PPIE: variants seen among roughly 807,000 people sequenced by gnomAD.
PPIE encodes peptidylprolyl isomerase E.
Under a neutral mutation model 38.4 loss-of-function variants are expected in PPIE, and 20 were observed. The ratio of observed to expected loss-of-function variants is 0.52; its 90% CI spans 0.37 to 0.76. The LOEUF is 0.76. Ranked by LOEUF, PPIE falls within the 30% of genes least tolerant of loss-of-function variation. The pLI, the probability that PPIE is intolerant of heterozygous loss-of-function variation, is 0.00. For synonymous variants in PPIE, 142 were observed against 135.7 expected (o/e 1.05, Z -0.32); for missense variants, 322 against 385.8 (o/e 0.83, Z 1.39).
At chr1:39,745,260 C>T (rs1647165238) in intron 6 of PPIE, 115 bp from the exon 7 acceptor site, 1 of 1,406,756 alleles carries the variant, frequency 7.1e-7, no homozygotes, top group Non-Finnish European at 9.9e-7. Flanking sequence ...TCCCCGTCAG[C>T]ACTTGCTCCA....
chr1:39,759,719 A>G (rs1337250820), downstream of PPIE: 1 of 152,254 alleles, frequency 6.6e-6, no homozygotes, highest in Non-Finnish European at 1.5e-5. Flanking sequence ...TCTCCAAAGT[A>G]AAATGTCCAT....
downstream of PPIE, chr1:39,760,287 C>G: frequency 7.2e-7 from 1 of 1,390,636 alleles, no homozygotes; most frequent in Non-Finnish European, 9.7e-7. Context: ...GAGAAAGGGT[C>G]ATGTACGTGG....
At chr1:39,743,183 G>C in intron 4 of PPIE, 33 bp from the exon 5 acceptor site, 2 of 1,589,938 alleles carry the variant, frequency 1.3e-6, no homozygotes, top group Non-Finnish European at 1.7e-6. Context: ...TAACCTAAGA[G>C]AGTTTAAGCA....
At chr1:39,740,138 C>T in intron 1 of PPIE, 27 bp from the exon 2 acceptor site, 1 of 1,590,132 alleles carries the variant, frequency 6.3e-7, no homozygotes, top group Non-Finnish European at 8.6e-7. Flanking sequence ...AGATCAGTGG[C>T]TCAGAAGGCC....
At position 39,755,044 on chromosome 1, in the gene PPIE, T is replaced by A; in HGVS notation, c.*1689T>A. 10 of 985,474 alleles carry A rather than the reference T, an allele frequency of 1.0e-5. No individual in the cohort carries two copies. Among genetic ancestry groups the A allele is most frequent in the Non-Finnish European group, 1.2e-5 (10 of 829,938 alleles). 61.0% of individuals were successfully genotyped at this position (985,474 alleles called of 1,614,324 possible). ...GAAGAGAACAAATGGTCCCACCCCCTGCTGAGCTCACAGTCTGGCTCTCCT... is the reference window on the plus strand; with the variant it reads ...GAAGAGAACAAATGGTCCCACCCCCAGCTGAGCTCACAGTCTGGCTCTCCT... On this transcript the variant is annotated 3_prime_UTR_variant, in exon 10 of 10. Transcript: ENST00000324379.
rs1196632990 is a variant in PPIE at position 39,754,472 on chromosome 1, C to CT, written c.*1123dup. Among the ~76,000 whole-genome samples the CT allele has an allele frequency of 1.3e-5, 2 of 152,194 alleles. No individual in the cohort carries two copies. The highest frequency in any genetic ancestry group is 2.9e-5 in the Non-Finnish European group (2 of 68,030). On this transcript the variant is annotated 3_prime_UTR_variant, in exon 10 of 10. Transcript: ENST00000324379. ...GAATTCTTCCTCCAGTGATCTCAGTCTTTTTTCTCTTAAGAATTTCAACTG... is the reference window on the plus strand; with the variant it reads ...GAATTCTTCCTCCAGTGATCTCAGTCTTTTTTTCTCTTAAGAATTTCAACTG...
At chr1:39,762,667 C>T (rs1414732106) in intron 9 of PPIE, 38 of 1,528,298 alleles carry the variant, frequency 2.5e-5, no homozygotes, top group Admixed American at 8.5e-5. Flanking sequence ...TGAGTGCACA[C>T]GCACACCCCA....
downstream of PPIE, chr1:39,760,320 T>A: frequency 1.3e-6 from 2 of 1,545,662 alleles, no homozygotes; most frequent in Non-Finnish European, 1.7e-6. Flanking sequence ...TCCCTGGCAA[T>A]GCCCCGGCCT....
chr1:39,739,334 G>T, intron 1 of PPIE: 1 of 187,150 alleles, frequency 5.3e-6, no homozygotes, highest in Non-Finnish European at 1.1e-5. Context: ...TGACTTCCTA[G>T]CCCGCTGAGC....
chr1:39,754,979 TTAC>T lies in PPIE; in HGVS notation c.*1627_*1629del, dbSNP rs1196134315. 1.0e-6 allele frequency: 1 copy of T among 983,234 alleles called. No homozygotes were observed. Among genetic ancestry groups the T allele is most frequent in the Non-Finnish European group, 1.2e-6 (1 of 827,948 alleles). 60.9% of individuals were successfully genotyped at this position (983,234 alleles called of 1,614,324 possible). ...ATCACAGTCCCAAGGCCTAAAATACTTACTATCTGAGCCTTTACAAAACAGGAT... is the reference window on the plus strand; with the variant it reads ...ATCACAGTCCCAAGGCCTAAAATACTTATCTGAGCCTTTACAAAACAGGAT... On this transcript the variant is annotated 3_prime_UTR_variant, in exon 10 of 10. Coordinates refer to ENST00000324379, the MANE Select transcript of PPIE (RefSeq NM_006112.4).
chr1:39,758,787 C>A (rs1375994869), downstream of PPIE: 1 of 152,310 alleles, frequency 6.6e-6, no homozygotes, highest in Non-Finnish European at 1.5e-5. Flanking sequence ...CAGCCTGGGG[C>A]TGCCCTTTGC....
At position 39,753,528 on chromosome 1, in the gene PPIE, C is replaced by T; in HGVS notation, c.*173C>T. 4.2e-6 allele frequency: 6 copies of T among 1,421,324 alleles called. No individual in the cohort carries two copies. The highest frequency in any genetic ancestry group is 5.5e-6 in the Non-Finnish European group (6 of 1,092,778). 88.0% of individuals were successfully genotyped at this position (1,421,324 alleles called of 1,614,324 possible). On this transcript the variant is annotated 3_prime_UTR_variant, in exon 10 of 10. Transcript: ENST00000324379. ...AGCTCCTCTGCAGGCACAGCCTGGA[C>T]TATTCCCAGGCACAGCTGTGGGCCC...
chr1:39,749,637 C>T (rs937384012), intron 8 of PPIE, among the ~76,000 whole-genome samples: 5 of 152,138 alleles, frequency 3.3e-5, no homozygotes, highest in African/African-American at 9.7e-5. Context: ...CATCTCTCCA[C>T]TCGTGCATGC....
intron 7 of PPIE, chr1:39,746,075 G>A: frequency 6.6e-6 from 1 of 152,166 alleles, no homozygotes; most frequent in East Asian, 1.9e-4. Context: ...TTATTTCCAT[G>A]TTGATAACAG....
At chr1:39,739,175 C>G (rs1646996177) in intron 1 of PPIE, 1 of 411,776 alleles carries the variant, frequency 2.4e-6, no homozygotes, top group East Asian at 3.6e-5. Flanking sequence ...CTTTGCTTCC[C>G]GATTCGCTGG....
At chr1:39,742,205 G>T in intron 4 of PPIE, 1 of 380,442 alleles carries the variant, frequency 2.6e-6, no homozygotes, top group Admixed American at 4.3e-5. Context: ...CAAATTGATT[G>T]CACGGTGTAA....
At chr1:39,762,848 A>G (rs1360343728) in intron 9 of PPIE, among the ~76,000 whole-genome samples, 3 of 152,262 alleles carry the variant, frequency 2.0e-5, no homozygotes, top group Non-Finnish European at 2.9e-5. Context: ...GGTGCATAGA[A>G]CAGGCATGTG....
rs1013608967 is a variant in PPIE, at chr1:39,755,482, C to T, written c.*2127C>T. The T allele has an allele frequency of 1.0e-6, 1 of 985,316 alleles. No individual in the cohort carries two copies. The highest frequency in any genetic ancestry group is 1.7e-5 in the African/African-American group (1 of 57,240). The allele number at this position is 985,316 out of a possible 1,614,324, so 61.0% of individuals were successfully genotyped here. The stretch of plus-strand genomic sequence containing the variant: ...ACCCCTATGGAGCTTCCAAAAGAGA[C>T]CCTCCCTCAAAGCACAGCCCCTTCT... On this transcript the variant is annotated 3_prime_UTR_variant, in exon 10 of 10. Coordinates refer to ENST00000324379, the MANE Select transcript of PPIE (RefSeq NM_006112.4).
intron 3 of PPIE, chr1:39,741,659 G>A: frequency 1.6e-6 from 1 of 623,814 alleles, no homozygotes; most frequent in Non-Finnish European, 2.8e-6. Context: ...CCTGTTCATT[G>A]AGCATTCTTG....
Sources: gnomAD v4.1 joint callset for allele counts (sites outside exome capture counted in the v4.1 genomes callset) on GRCh38, gnomAD v4.1.1 for gene constraint, MANE v1.5 for transcripts, NCBI Gene and HGNC (gene_info 2026-07-23, HGNC 2026-07-21) for gene names.